The following DTNB variants were observed in gnomAD, a reference collection of about 807,000 sequenced individuals.
DTNB encodes dystrobrevin beta.
In DTNB, 63 loss-of-function variants were observed where a neutral mutation model predicts 90.7. The observed-to-expected ratio is 0.69, with a 90% confidence interval of 0.57 to 0.86. The LOEUF is 0.86. DTNB is among the 40% of genes least tolerant of loss of function. DTNB has a pLI of 0.00. For synonymous variants in DTNB, 277 were observed against 286.7 expected (o/e 0.97, Z 0.34); for missense variants, 744 against 807.1 (o/e 0.92, Z 0.95).
intron 14 of DTNB, among the ~76,000 whole-genome samples, chr2:25,430,114 C>T (rs570880138): frequency 1.3e-5 from 2 of 151,958 alleles, no homozygotes; most frequent in Non-Finnish European, 2.9e-5. Flanking sequence ...AGATATAATA[C>T]CTATATTATA....
chr2:25,531,720 T>A, intron 8 of DTNB, 123 bp from the exon 9 acceptor site: 1 of 1,320,066 alleles, frequency 7.6e-7, no homozygotes, highest in Non-Finnish European at 1.0e-6. Context: ...TCAAGTTTCA[T>A]TACATCAATA....
chr2:25,568,935 G>A (rs973585457), intron 8 of DTNB, among the ~76,000 whole-genome samples: 1 of 152,192 alleles, frequency 6.6e-6, no homozygotes, highest in Non-Finnish European at 1.5e-5. Context: ...CCTGTGCCTC[G>A]GCCATGCTCT....
chr2:25,432,408 G>A (rs2054203945), intron 14 of DTNB, among the ~76,000 whole-genome samples: 1 of 152,130 alleles, frequency 6.6e-6, no homozygotes, highest in African/African-American at 2.4e-5. Context: ...GAGACACTTT[G>A]TTTAGAAGCC....
chr2:25,643,704 C>T (rs149200111), intron 2 of DTNB, among the ~76,000 whole-genome samples: 3 of 152,260 alleles, frequency 2.0e-5, no homozygotes, highest in Non-Finnish European at 4.4e-5. Context: ...CTCCACACTG[C>T]GTTCCAGGAA....
chr2:25,421,673 C>T (rs556160004), intron 15 of DTNB, among the ~76,000 whole-genome samples: 95 of 152,288 alleles, frequency 6.2e-4, no homozygotes, highest in African/African-American at 1.0e-3. Flanking sequence ...AAATTGTATC[C>T]GAGGTCAAAA....
At chr2:25,669,937 T>C (rs557789036) in intron 1 of DTNB, among the ~76,000 whole-genome samples, 15 of 150,368 alleles carry the variant, frequency 1.0e-4, no homozygotes, top group African/African-American at 3.7e-4. Flanking sequence ...CTGAATACAC[T>C]AAGCAGTTGA....
chr2:25,552,151 T>C lies in DTNB; in HGVS notation c.877-20554A>G, dbSNP rs576884495. Reference sequence around the variant, plus strand: ...TTCTTTTGTTACCTCCTCAGTTATCTTCTCCAGTTGTGTTCCTCTCATTTG... The same window carrying C: ...TTCTTTTGTTACCTCCTCAGTTATCCTCTCCAGTTGTGTTCCTCTCATTTG... On this transcript the variant is annotated intron_variant, in intron 8 of 20. Coordinates refer to ENST00000406818, the MANE Select transcript of DTNB (RefSeq NM_021907.5). Among the ~76,000 whole-genome samples the C allele has an allele frequency of 8.5e-5, 13 of 152,358 alleles. No homozygotes were observed. In the South Asian group the frequency reaches 2.1e-3, roughly 24 times the overall value.
chr2:25,633,476 C>T (rs1427113019), intron 3 of DTNB, among the ~76,000 whole-genome samples: 2 of 152,128 alleles, frequency 1.3e-5, no homozygotes, highest in Non-Finnish European at 2.9e-5. Flanking sequence ...CTCAATGGTG[C>T]CCAGGCTGGA....
chr2:25,569,622 A>T (rs1028381469), intron 8 of DTNB, among the ~76,000 whole-genome samples: 7 of 152,116 alleles, frequency 4.6e-5, no homozygotes, highest in African/African-American at 1.4e-4. Context: ...CCCTGCTGGA[A>T]ATGCCAGCAG....
chr2:25,660,147 G>A (rs2082862748), intron 1 of DTNB, among the ~76,000 whole-genome samples: 1 of 152,128 alleles, frequency 6.6e-6, no homozygotes, highest in Non-Finnish European at 1.5e-5. Flanking sequence ...CAATTCAAGA[G>A]AGAAAGGACA....
At chr2:25,663,474 G>A (rs1056228471) in intron 1 of DTNB, among the ~76,000 whole-genome samples, 4 of 152,102 alleles carry the variant, frequency 2.6e-5, no homozygotes, top group Non-Finnish European at 4.4e-5. Flanking sequence ...CTAGATCCTC[G>A]AGGAATCCCC....
chr2:25,655,580 A>T (rs1019665405), intron 1 of DTNB, among the ~76,000 whole-genome samples: 2 of 152,178 alleles, frequency 1.3e-5, no homozygotes, highest in African/African-American at 4.8e-5. Context: ...TCACAATTTA[A>T]TGTTCCAAAA....
chr2:25,464,797 G>T (rs114685391), intron 10 of DTNB, among the ~76,000 whole-genome samples: 236 of 152,288 alleles, frequency 1.5e-3, no homozygotes, highest in African/African-American at 5.5e-3. Context: ...TAATCACAGT[G>T]TAATCATGAG....
In DTNB at chr2:25,635,190, T is replaced by C. The variant is rs191411836; in HGVS notation, c.148+3824A>G. 7.6e-3 allele frequency among the ~76,000 whole-genome samples: 1,163 copies of C among 152,046 alleles called. 8 individuals are homozygous for C. Among genetic ancestry groups the C allele is most frequent in the Admixed American group, 0.013 (196 of 15,292 alleles). On this transcript the variant is annotated intron_variant, in intron 3 of 20. Coordinates refer to ENST00000406818, the MANE Select transcript of DTNB (RefSeq NM_021907.5). ...GCTCACATCTGTAATCCCAGCACTT[T>C]GGGAGGCCAAGACAGGTGGATCACT...
At chr2:25,584,372 A>T (rs1231830858) in intron 6 of DTNB, among the ~76,000 whole-genome samples, 1 of 152,222 alleles carries the variant, frequency 6.6e-6, no homozygotes, top group Non-Finnish European at 1.5e-5. Flanking sequence ...GGATAAGCAA[A>T]CATGGGAATC....
At chr2:25,388,117 A>G (rs1215732720) in intron 17 of DTNB, 85 bp downstream of exon 17, 20 of 1,524,516 alleles carry the variant, frequency 1.3e-5, no homozygotes, top group Non-Finnish European at 1.8e-5. Context: ...AGCACAAAAC[A>G]GAAATGGAAA....
intron 8 of DTNB, among the ~76,000 whole-genome samples, chr2:25,570,804 A>G (rs562102529): frequency 1.3e-5 from 2 of 152,246 alleles, no homozygotes; most frequent in South Asian, 4.1e-4. Flanking sequence ...TTCCTGCTCT[A>G]TCTTCACTCA....
chr2:25,493,299 T>C (rs1426276547), intron 9 of DTNB, among the ~76,000 whole-genome samples: 3 of 152,230 alleles, frequency 2.0e-5, no homozygotes, highest in African/African-American at 7.2e-5. Context: ...CTCTTATTAA[T>C]ATTTTGTAGC....
chr2:25,586,122 C>A (rs930137218), intron 6 of DTNB, among the ~76,000 whole-genome samples: 10 of 151,964 alleles, frequency 6.6e-5, no homozygotes, highest in Non-Finnish European at 1.3e-4. Flanking sequence ...TCAGTGAAAA[C>A]GAGGATGCAA....
Sources: allele counts gnomAD v4.1 joint callset (sites outside exome capture counted in the v4.1 genomes callset), GRCh38; gene constraint gnomAD v4.1.1; transcripts MANE v1.5; gene names NCBI Gene and HGNC (gene_info 2026-07-23, HGNC 2026-07-21).